Variants in RTL9 observed in about 807,000 individuals in gnomAD.
The protein encoded by RTL9 is retrotransposon Gag like 9, also known as retrotransposon Gag-like protein 9.
A neutral mutation model predicts 44.7 loss-of-function variants in RTL9; 19 were observed. The ratio of observed to expected loss-of-function variants is 0.42; its 90% CI spans 0.30 to 0.62. RTL9 has a LOEUF of 0.62. RTL9 is among the 20% of genes least tolerant of loss of function. The probability of loss-of-function intolerance (pLI) is 0.16; values close to 1 mark genes in which losing one functional copy is unlikely to be tolerated. For synonymous variants in RTL9, 407 were observed against 398.9 expected (o/e 1.02, Z -0.24); for missense variants, 1,105 against 1,080.6 (o/e 1.02, Z -0.32).
intron 1 of RTL9, among the ~76,000 whole-genome samples, chrX:110,419,394 C>T (rs1453859477): frequency 2.7e-5 from 3 of 112,667 alleles, no homozygotes; most frequent in Non-Finnish European, 5.6e-5. Context: ...TGAGAAGAGC[C>T]TTCTCTGACC....
At chrX:110,372,913 C>A (rs2068349584) in intron 1 of RTL9, among the ~76,000 whole-genome samples, 1 of 111,710 alleles carries the variant, frequency 9.0e-6, no homozygotes, top group Non-Finnish European at 1.9e-5. Context: ...AATTGTGCTT[C>A]CCTCATAAAA....
intron 1 of RTL9, among the ~76,000 whole-genome samples, chrX:110,393,746 G>C (rs1462208271): frequency 4.5e-5 from 5 of 112,225 alleles, no homozygotes; most frequent in Non-Finnish European, 9.4e-5. Flanking sequence ...GGGAAAATTT[G>C]GTTTTCCCCA....
intron 1 of RTL9, among the ~76,000 whole-genome samples, chrX:110,380,621 G>A (rs960912359): frequency 4.5e-5 from 5 of 112,065 alleles, no homozygotes; most frequent in Non-Finnish European, 7.5e-5. Flanking sequence ...AATTTAAAAC[G>A]AGCCCAAATA....
chrX:110,456,211 G>C (rs1473309776), exon 2 of RTL9: 1 of 112,474 alleles, frequency 8.9e-6, no homozygotes, highest in African/African-American at 3.2e-5. Flanking sequence ...GCCTTCAGGT[G>C]GTGGGGTTAT....
At chrX:110,419,725 A>G (rs2068703597) in intron 1 of RTL9, among the ~76,000 whole-genome samples, 1 of 112,413 alleles carries the variant, frequency 8.9e-6, no homozygotes, top group African/African-American at 3.2e-5. Context: ...GTCATTCCAT[A>G]GGAAAAAAAA....
chrX:110,453,920 C>A (rs1399200688), exon 1 of RTL9: 4 of 1,210,513 alleles, frequency 3.3e-6, no homozygotes, highest in Non-Finnish European at 4.5e-6. Context: ...AAGCCACAGA[C>A]TCTGGAGAGG....
intron 1 of RTL9, among the ~76,000 whole-genome samples, chrX:110,370,854 C>A (rs898916349): frequency 3.6e-5 from 4 of 111,999 alleles, no homozygotes; most frequent in Non-Finnish European, 5.6e-5. Flanking sequence ...TATGGGCAGG[C>A]AGCTTGCAAA....
chrX:110,451,541 A>G, exon 1 of RTL9: 2 of 1,211,274 alleles, frequency 1.7e-6, no homozygotes, highest in Non-Finnish European at 2.2e-6. Context: ...GAATAATGTC[A>G]TCGCTTTTAA....
chrX:110,435,219 C>T (rs2148335290), intron 1 of RTL9, among the ~76,000 whole-genome samples: 1 of 110,729 alleles, frequency 9.0e-6, no homozygotes, highest in East Asian at 2.9e-4. Flanking sequence ...CTCATGCCTG[C>T]ACAGGGGCCA....
intron 1 of RTL9, among the ~76,000 whole-genome samples, chrX:110,433,414 C>T: frequency 9.0e-6 from 1 of 111,655 alleles, no homozygotes; most frequent in Non-Finnish European, 1.9e-5. Flanking sequence ...CTGAATTCAT[C>T]TGTCTTATCG....
intron 1 of RTL9, among the ~76,000 whole-genome samples, chrX:110,419,928 C>G (rs1345175378): frequency 8.9e-6 from 1 of 112,061 alleles, no homozygotes; most frequent in African/African-American, 3.2e-5. Flanking sequence ...TCATTTAATC[C>G]TCATCATAAC....
chrX:110,378,008 C>CAAAAAAA (rs755483656), intron 1 of RTL9, among the ~76,000 whole-genome samples: 30 of 30,941 alleles, frequency 9.7e-4, no homozygotes, highest in African/African-American at 2.3e-3. Flanking sequence ...GACTCCGTCT[C>CAAAAAAA]AAAAAAAAAA....
At chrX:110,408,439 G>A (rs1241257755) in intron 1 of RTL9, among the ~76,000 whole-genome samples, 1 of 112,641 alleles carries the variant, frequency 8.9e-6, no homozygotes. Flanking sequence ...ATGAAAAATA[G>A]TCTAGCATCC....
chrX:110,450,731 C>T (rs774798200), exon 1 of RTL9: 71 of 1,208,586 alleles, frequency 5.9e-5, no homozygotes, highest in Admixed American at 1.3e-4. Flanking sequence ...CCAGAGCAGA[C>T]GTACAGATTC....
At chrX:110,400,851 G>A (rs1412005183) in intron 1 of RTL9, among the ~76,000 whole-genome samples, 2 of 111,434 alleles carry the variant, frequency 1.8e-5, no homozygotes, top group African/African-American at 6.5e-5. Context: ...AACAAAAGAG[G>A]GATTCAGGGC....
intron 1 of RTL9, among the ~76,000 whole-genome samples, chrX:110,419,554 A>G (rs1569426048): frequency 8.9e-6 from 1 of 112,704 alleles, no homozygotes; most frequent in Admixed American, 9.3e-5. Flanking sequence ...CTCCAAGAGG[A>G]CAGGGACCTT....
intron 1 of RTL9, among the ~76,000 whole-genome samples, chrX:110,443,048 C>A (rs1380359911): frequency 2.7e-5 from 3 of 111,742 alleles, no homozygotes; most frequent in East Asian, 2.8e-4. Context: ...CAGCAGGGAC[C>A]CCGGATAAGC....
intron 1 of RTL9, among the ~76,000 whole-genome samples, chrX:110,428,169 C>A (rs140601435): frequency 8.9e-6 from 1 of 112,305 alleles, no homozygotes; most frequent in Non-Finnish European, 1.9e-5. Context: ...GAGTGACTTT[C>A]TGTGCCTTGT....
At chrX:110,362,214 C>G (rs1000053110) in intron 1 of RTL9, among the ~76,000 whole-genome samples, 7 of 111,307 alleles carry the variant, frequency 6.3e-5, no homozygotes, top group Non-Finnish European at 1.3e-4. Context: ...GGGTTTGCAG[C>G]ATATCAACTC....
Sources: gnomAD v4.1 joint callset for allele counts (sites outside exome capture counted in the v4.1 genomes callset) on GRCh38, gnomAD v4.1.1 for gene constraint, MANE v1.5 for transcripts, NCBI Gene and HGNC (gene_info 2026-07-23, HGNC 2026-07-21) for gene names.